TYK2: variants seen among roughly 807,000 people sequenced by gnomAD.
TYK2 encodes tyrosine kinase 2.
TYK2 carries 65 observed loss-of-function variants against 130.9 expected under a neutral mutation model. The ratio of observed to expected loss-of-function variants is 0.50; its 90% CI spans 0.41 to 0.61. TYK2 has a LOEUF of 0.61. TYK2 is among the 20% of genes least tolerant of loss of function. The pLI, the probability that TYK2 is intolerant of heterozygous loss-of-function variation, is 0.00. For missense variants in TYK2, 1,378 were observed against 1,610.7 expected, an observed-to-expected ratio of 0.86 and a Z score of 2.47; for synonymous variants, 647 against 658.9, an observed-to-expected ratio of 0.98 and a Z score of 0.28.
Position 10,370,635 on chromosome 19 carries a change from G to T in TYK2, c.194-2217C>A, listed in dbSNP as rs143395901. Among the ~76,000 whole-genome samples the T allele has an allele frequency of 7.8e-3, 1,182 of 151,890 alleles. 14 individuals carry two copies. The highest frequency in any genetic ancestry group is 0.027 in the African/African-American group (1,103 of 41,448). On this transcript the variant is annotated intron_variant, in intron 3 of 24. Transcript: ENST00000525621. ...GAGTTTGAGACCAGCCTGGCCACCA[G>T]AGCAAAACCTCGTCTCTACTAAAAA...
At chr19:10,373,542 G>A (rs761862759) in intron 3 of TYK2, among the ~76,000 whole-genome samples, 4 of 151,898 alleles carry the variant, frequency 2.6e-5, no homozygotes, top group Non-Finnish European at 5.9e-5. Context: ...TGTTGGCCAT[G>A]CTGGTCTCAA....
intron 9 of TYK2, among the ~76,000 whole-genome samples, chr19:10,363,867 G>A (rs574488215): frequency 6.6e-6 from 1 of 152,306 alleles, no homozygotes; most frequent in Admixed American, 6.5e-5. Context: ...GCCTCACAAG[G>A]TGAAATGGCC....
chr19:10,378,448 A>G lies in TYK2; in HGVS notation c.-20-22T>C, dbSNP rs1241458624. 3.1e-6 allele frequency: 5 copies of G among 1,591,462 alleles called. No homozygotes were observed. The South Asian group carries it at 5.5e-5, about 18-fold the overall frequency. ...TCAGCTGGAAAGGGGACAATCTGTC[A>G]GCTCCCAAGTCTCAGCCCAGAGACC... On this transcript the variant is annotated intron_variant, in intron 2 of 24. Coordinates refer to ENST00000525621, the MANE Select transcript of TYK2 (RefSeq NM_003331.5).
In TYK2 at chr19:10,378,515, T is replaced by C. The variant is rs12720342; in HGVS notation, c.-20-89A>G. 5.2e-3 allele frequency: 5,561 copies of C among 1,065,466 alleles called. 28 individuals carry two copies. The highest frequency in any genetic ancestry group is 7.0e-3 in the Non-Finnish European group (5,089 of 722,816). 66.0% of individuals were successfully genotyped at this position (1,065,466 alleles called of 1,614,324 possible). On this transcript the variant is annotated intron_variant, in intron 2 of 24. Transcript: ENST00000525621. ...CCTTCCACCCACCCCAGCTAAGGCC[T>C]GAGGGGAAGATTCTGGGCTCCCATC... is the stretch of plus-strand genomic sequence containing the variant.
At chr19:10,380,219 A>ACTTCCTC (rs1853392608) in intron 1 of TYK2, among the ~76,000 whole-genome samples, 161 bp downstream of exon 1, 1 of 152,176 alleles carries the variant, frequency 6.6e-6, no homozygotes, top group African/African-American at 2.4e-5. Context: ...CGCGGAGCCT[A>ACTTCCTC]CTTCCTCCTT....
chr19:10,370,159 C>T (rs991921449), intron 3 of TYK2, among the ~76,000 whole-genome samples: 4 of 151,466 alleles, frequency 2.6e-5, no homozygotes, highest in African/African-American at 7.3e-5. Flanking sequence ...GTCAGGAGTT[C>T]GAGACCAGCG....
intron 2 of TYK2, among the ~76,000 whole-genome samples, chr19:10,378,925 A>G (rs1251441478): frequency 6.6e-6 from 1 of 151,972 alleles, no homozygotes; most frequent in Non-Finnish European, 1.5e-5. Flanking sequence ...CTGGAGTGCA[A>G]TGGTACAATC....
At chr19:10,354,708 G>T in intron 18 of TYK2, 99 bp from the exon 19 acceptor site, 2 of 971,968 alleles carry the variant, frequency 2.1e-6, no homozygotes, top group Middle Eastern at 2.3e-4. Flanking sequence ...CCCAGGATCC[G>T]ATTCTAGAGG....
chr19:10,355,468 C>T (rs1477568626), intron 18 of TYK2, among the ~76,000 whole-genome samples: 6 of 151,334 alleles, frequency 4.0e-5, no homozygotes, highest in South Asian at 2.1e-4. Context: ...AGTGAAACCC[C>T]GTCTCTACTA....
rs574338177 is a variant in TYK2 at position 10,365,813 on chromosome 19, G to A, written c.715C>T (p.Arg239Cys). ...GGCTGGAAGTCCCGCAGGAACCTGC[G>A]GAAGACGTTCCGAAGGCGCAGCCGG... ...LTRLRLRNVF[R>C]RFLRDFQPGR... The change falls in exon 7 of 25, where the codon CGC becomes TGC. Residue 239 changes from arginine (R) to cysteine (C), a missense_variant. Arg to Cys is a radical substitution (Grantham distance 180). Transcript: ENST00000525621. 14 of 1,612,278 alleles carry A rather than the reference G, an allele frequency of 8.7e-6. No homozygotes were observed. Among genetic ancestry groups the A allele is most frequent in the African/African-American group, 1.3e-5 (1 of 74,944 alleles).
At chr19:10,377,535 G>A (rs1466885598) in intron 3 of TYK2, among the ~76,000 whole-genome samples, 7 of 106,226 alleles carry the variant, frequency 6.6e-5, no homozygotes, top group South Asian at 7.9e-4. Flanking sequence ...TGGATGGATG[G>A]ATGGATGGAT....
Position 10,356,097 on chromosome 19 carries a change from G to C in TYK2, c.2617+471C>G, listed in dbSNP as rs138855745. On this transcript the variant is annotated intron_variant, in intron 18 of 24. Coordinates refer to ENST00000525621, the MANE Select transcript of TYK2 (RefSeq NM_003331.5). ...CTCTCCCCAGACAAAACATTAAGGAGGCCAGGCGCAGTGGCTCACGCCTGT... is the reference window on the plus strand; with the variant it reads ...CTCTCCCCAGACAAAACATTAAGGACGCCAGGCGCAGTGGCTCACGCCTGT... Among the ~76,000 whole-genome samples the C allele has an allele frequency of 7.3e-3, 1,115 of 152,134 alleles. 13 individuals carry two copies. Among genetic ancestry groups the C allele is most frequent in the African/African-American group, 0.025 (1,048 of 41,490 alleles).
chr19:10,354,594 A>C lies in TYK2; in HGVS notation c.2633T>G (p.Leu878Trp), dbSNP rs2145158730. Reference protein sequence around the residue: ...RLQPHNLADVLTVNPDSPASD... With the variant: ...RLQPHNLADVWTVNPDSPASD... The stretch of plus-strand genomic sequence containing the variant: ...CGCCGGTGAGTCCGGGTTCACAGTC[A>C]AGACGTCAGCAAGATCTGGAAGAGT... The change falls in exon 19 of 25, where the codon TTG becomes TGG. Residue 878 changes from leucine to tryptophan, a missense_variant. Coordinates refer to ENST00000525621, the MANE Select transcript of TYK2 (RefSeq NM_003331.5). 6.2e-7 allele frequency: 1 copy of C among 1,613,984 alleles called. No individual in the cohort carries two copies. Among genetic ancestry groups the C allele is most frequent in the Non-Finnish European group, 8.5e-7 (1 of 1,179,990 alleles).
rs2041412722 is a variant in TYK2, at chr19:10,361,716, C to T, written c.1959+54G>A. 6.3e-7 allele frequency: 1 copy of T among 1,581,086 alleles called. No homozygotes were observed. The highest frequency in any genetic ancestry group is 1.1e-5 in the South Asian group (1 of 90,498). On this transcript the variant is annotated intron_variant, in intron 13 of 24. Transcript: ENST00000525621. This position sits in a 1 kb window ranked among gnomAD's most constrained non-coding sequence, Gnocchi z 4.0. ...CAGACACACCCCTCCCATCCCACCT[C>T]CTCCGGCCACCTCCTCCACAGACAC...
rs1234844803 is a variant in TYK2 at position 10,352,980 on chromosome 19, G to A, written c.3146C>T (p.Pro1049Leu). 2.5e-6 allele frequency: 4 copies of A among 1,606,918 alleles called. No individual in the cohort carries two copies. The highest frequency in any genetic ancestry group is 1.1e-5 in the South Asian group (1 of 90,822). ...CACGCGGTAGTACTCGTGGCCTTCG[G>A]GCACGGCCTTGGCTAGGCCAAAGTC... Reference protein sequence around the residue: ...IGDFGLAKAVPEGHEYYRVRE... With the variant: ...IGDFGLAKAVLEGHEYYRVRE... Residue 1049 changes from proline to leucine, a missense_variant, in exon 22 of 25, where the codon CCC becomes CTC. Coordinates refer to ENST00000525621, the MANE Select transcript of TYK2 (RefSeq NM_003331.5).
rs369990541 is a variant in TYK2, at chr19:10,372,657, T to C, written c.194-4239A>G. On this transcript the variant is annotated intron_variant, in intron 3 of 24. Coordinates refer to ENST00000525621, the MANE Select transcript of TYK2 (RefSeq NM_003331.5). ...ACCAGCACACAGCACACCTGGCTAA[T>C]TTTTTGTATTTTTAGTAGAGACGGG... Among the ~76,000 whole-genome samples, 7 of 149,806 alleles carry C rather than the reference T, an allele frequency of 4.7e-5. No homozygotes were observed. In the East Asian group the frequency reaches 1.4e-3, roughly 30 times the overall value.
chr19:10,375,114 C>A (rs1330275360), intron 3 of TYK2, among the ~76,000 whole-genome samples: 1 of 150,860 alleles, frequency 6.6e-6, no homozygotes. Context: ...GGCTGCAATG[C>A]GTCATGATTG....
chr19:10,361,455 G>T lies in TYK2; in HGVS notation c.2047+56C>A. ...GGGTTGGGGTACAGATCAGGGAGTG[G>T]GTATAAGTCAGGGGTGGCCTGCCAA... On this transcript the variant is annotated intron_variant, in intron 14 of 24. Coordinates refer to ENST00000525621, the MANE Select transcript of TYK2 (RefSeq NM_003331.5). The surrounding 1 kb of genome is among the most constrained non-coding windows in gnomAD (Gnocchi z 4.0). 6.7e-7 allele frequency: 1 copy of T among 1,501,348 alleles called. No individual in the cohort carries two copies. The highest frequency in any genetic ancestry group is 9.0e-7 in the Non-Finnish European group (1 of 1,109,882). The allele number at this position is 1,501,348 out of a possible 1,614,324, so 93.0% of individuals were successfully genotyped here. A position where few individuals can be genotyped will look rare whatever the true frequency, so the allele number is the denominator to read the frequency against.
rs541298971 is a variant in TYK2, at chr19:10,372,567, C to T, written c.194-4149G>A. 1.3e-4 allele frequency among the ~76,000 whole-genome samples: 17 copies of T among 135,906 alleles called. 1 individual carries two copies. The South Asian group carries it at 4.1e-3, about 33-fold the overall frequency. The allele number at this position is 135,906 out of a possible 152,430, so 89.2% of individuals were successfully genotyped here. ...GGCAGTGGCATGATCACTGTAGCTT[C>T]AACCTCCCGGGCTCAAGTGATCCTC... On this transcript the variant is annotated intron_variant, in intron 3 of 24. Transcript: ENST00000525621.
Sources: gnomAD v4.1 joint callset for allele counts (sites outside exome capture counted in the v4.1 genomes callset) on GRCh38, gnomAD v4.1.1 for gene constraint, Gnocchi (gnomAD v3.1) non-coding constraint, MANE v1.5 for transcripts, NCBI Gene and HGNC (gene_info 2026-07-23, HGNC 2026-07-21) for gene names.